FAM184B: variants seen among roughly 807,000 people sequenced by gnomAD.
The protein encoded by FAM184B is protein FAM184B.
FAM184B carries 111 observed loss-of-function variants against 135.9 expected under a neutral mutation model. That is an observed-to-expected ratio of 0.82 (90% CI 0.70 to 0.96). The LOEUF is 0.96. Ranked by LOEUF, FAM184B falls within the 40% of genes least tolerant of loss-of-function variation. The pLI is 0.00. For missense variants in FAM184B, 1,375 were observed against 1,323.9 expected (o/e 1.04, Z -0.60); for synonymous variants, 552 against 524.8 (o/e 1.05, Z -0.71).
chr4:17,748,103 G>A (rs1193595556), intron 1 of FAM184B, among the ~76,000 whole-genome samples: 194 of 70,232 alleles, frequency 2.8e-3, no homozygotes, highest in South Asian at 3.8e-3. Flanking sequence ...GACTCCGTCT[G>A]AAAAAAAAAA....
chr4:17,740,592 C>T (rs1372257615), intron 1 of FAM184B, among the ~76,000 whole-genome samples: 2 of 152,044 alleles, frequency 1.3e-5, no homozygotes, highest in African/African-American at 4.8e-5. Flanking sequence ...ATAATCTTGC[C>T]CTTGGAAGAG....
At chr4:17,665,836 C>A (rs910353196) in intron 7 of FAM184B, among the ~76,000 whole-genome samples, 2 of 152,188 alleles carry the variant, frequency 1.3e-5, no homozygotes, top group Non-Finnish European at 2.9e-5. Flanking sequence ...CCCAGCAGAA[C>A]TGGAAATATT....
At chr4:17,633,431 G>C (rs956644010) in intron 17 of FAM184B, 1 of 343,210 alleles carries the variant, frequency 2.9e-6, no homozygotes, top group Non-Finnish European at 5.2e-6. Context: ...ACCTGGAGAG[G>C]TCAAGTGACC....
At chr4:17,638,395 GT>G (rs1715212014) in intron 14 of FAM184B, among the ~76,000 whole-genome samples, 1 of 151,482 alleles carries the variant, frequency 6.6e-6, no homozygotes, top group South Asian at 2.1e-4. Flanking sequence ...GTTTCACAAT[GT>G]TGCCCAGGCT....
intron 6 of FAM184B, among the ~76,000 whole-genome samples, chr4:17,690,080 G>A (rs1432814644): frequency 6.6e-6 from 1 of 152,000 alleles, no homozygotes; most frequent in Admixed American, 6.6e-5. Flanking sequence ...CCTGAGAGGC[G>A]GAGGTTACAG....
chr4:17,748,505 A>AT (rs34998803), intron 1 of FAM184B, among the ~76,000 whole-genome samples: 16,959 of 97,926 alleles, frequency 0.17, 2,461 homozygotes, highest in East Asian at 0.39. Flanking sequence ...CTCTTGTGTA[A>AT]TTTTTTTTTT....
chr4:17,670,458 C>T (rs1045279008), intron 7 of FAM184B, among the ~76,000 whole-genome samples: 3 of 152,038 alleles, frequency 2.0e-5, no homozygotes, highest in Non-Finnish European at 4.4e-5. Context: ...AAAAGAATTC[C>T]AAATGTACTC....
chr4:17,716,478 G>C (rs1198531197), intron 1 of FAM184B, among the ~76,000 whole-genome samples: 1 of 151,936 alleles, frequency 6.6e-6, no homozygotes, highest in Non-Finnish European at 1.5e-5. Context: ...GAGTACCTGG[G>C]ATTACAGGTG....
At position 17,642,060 on chromosome 4, in the gene FAM184B, G is replaced by T; in HGVS notation, c.2515C>A (p.Arg839Ser). Residue 839 changes from arginine (R) to serine (S), a missense_variant, in exon 13 of 18, where the codon CGC (arginine) becomes AGC (serine). Coordinates refer to ENST00000265018, the MANE Select transcript of FAM184B (RefSeq NM_015688.2). ...GGGGCGCGCCGGGTCACCCACCTGC[G>T]CTGGTCTCGGAGCTTCTGCGCCTCC... ...QQEAQKLRDQ[R>S]RFLEETQQAQ... is the part of the protein sequence containing the mutation. 6.5e-7 allele frequency: 1 copy of T among 1,529,790 alleles called. No individual in the cohort carries two copies. The highest frequency in any genetic ancestry group is 8.7e-7 in the Non-Finnish European group (1 of 1,144,366). 94.8% of individuals were successfully genotyped at this position (1,529,790 alleles called of 1,614,324 possible). A position where few individuals can be genotyped will look rare whatever the true frequency, so the allele number is the denominator to read the frequency against.
At chr4:17,731,657 G>A (rs1010988595) in intron 1 of FAM184B, among the ~76,000 whole-genome samples, 5 of 152,172 alleles carry the variant, frequency 3.3e-5, no homozygotes, top group African/African-American at 7.2e-5. Context: ...ACCCAATACA[G>A]GAGCACTCAG....
intron 15 of FAM184B, 111 bp downstream of exon 15, chr4:17,636,417 G>A: frequency 1.2e-6 from 1 of 841,054 alleles, no homozygotes; most frequent in Non-Finnish European, 1.9e-6. Flanking sequence ...AGGATTCTTT[G>A]TAAGATATTA....
intron 5 of FAM184B, among the ~76,000 whole-genome samples, chr4:17,697,443 C>G (rs1368012879): frequency 6.6e-6 from 1 of 152,132 alleles, no homozygotes; most frequent in African/African-American, 2.4e-5. Context: ...TGTGTATAGT[C>G]TCTGTTCAGT....
intron 1 of FAM184B, among the ~76,000 whole-genome samples, chr4:17,777,939 A>G (rs946293183): frequency 6.6e-6 from 1 of 152,146 alleles, no homozygotes; most frequent in African/African-American, 2.4e-5. Context: ...CTCTACAAAA[A>G]ATTTTTTAAA....
At position 17,740,934 on chromosome 4, in the gene FAM184B, C is replaced by T. The variant is rs536441956; in HGVS notation, c.142-31290G>A. ...GTTGTAGCCAAGGGGAATGAATAGC[C>T]AACTCATTACTTTTCTTAAAAAAAA... On this transcript the variant is annotated intron_variant, in intron 1 of 17. Coordinates refer to ENST00000265018, the MANE Select transcript of FAM184B (RefSeq NM_015688.2). 2.0e-5 allele frequency among the ~76,000 whole-genome samples: 3 copies of T among 152,226 alleles called. No homozygotes were observed. In the East Asian group the frequency reaches 5.8e-4, roughly 29 times the overall value.
rs184566202 is a variant in FAM184B, at chr4:17,675,450, T to G, written c.1597-10791A>C. 1.1e-3 allele frequency among the ~76,000 whole-genome samples: 161 copies of G among 152,160 alleles called. 2 individuals are homozygous for G. In the South Asian group the frequency reaches 0.023, roughly 22 times the overall value. ...CTTATAAAGCACAAGTAGAGTAGACTTCACACAATTCTTAAGGCCTCTAGA... is the reference window on the plus strand; with the variant it reads ...CTTATAAAGCACAAGTAGAGTAGACGTCACACAATTCTTAAGGCCTCTAGA... On this transcript the variant is annotated intron_variant, in intron 7 of 17. Coordinates refer to ENST00000265018, the MANE Select transcript of FAM184B (RefSeq NM_015688.2).
chr4:17,648,668 G>A (rs1029499445), intron 11 of FAM184B, among the ~76,000 whole-genome samples: 8 of 151,962 alleles, frequency 5.3e-5, no homozygotes, highest in African/African-American at 1.9e-4. Flanking sequence ...ATCCTCTTAA[G>A]ACAAAATGTT....
At chr4:17,641,084 C>T (rs1441082626) in intron 13 of FAM184B, among the ~76,000 whole-genome samples, 1 of 152,194 alleles carries the variant, frequency 6.6e-6, no homozygotes, top group Non-Finnish European at 1.5e-5. Flanking sequence ...CAGGCATGCA[C>T]CACCACGCTT....
At chr4:17,634,877 C>A in intron 16 of FAM184B, 132 bp downstream of exon 16, 1 of 569,124 alleles carries the variant, frequency 1.8e-6, no homozygotes, top group Non-Finnish European at 3.0e-6. Flanking sequence ...TAGATATAAA[C>A]AAGTGGGTTT....
rs1220440993 is a variant in FAM184B at position 17,647,668 on chromosome 4, C to G, written c.2315G>C (p.Gly772Ala). ...GRQQASSQCP[G>A]DSKDHIIATE... ...GGCGATTATGTGATCCTTGCTGTCTCCTGGACACTGGCTGCTGGCTTGCTG... is the reference window on the plus strand; with the variant it reads ...GGCGATTATGTGATCCTTGCTGTCTGCTGGACACTGGCTGCTGGCTTGCTG... The change falls in exon 12 of 18, where the codon GGA (glycine) becomes GCA (alanine). Residue 772 changes from glycine to alanine, a missense_variant. Physicochemically the swap from Gly to Ala is moderately conservative, Grantham distance 60. Coordinates refer to ENST00000265018, the MANE Select transcript of FAM184B (RefSeq NM_015688.2). The G allele has an allele frequency of 1.4e-5, 22 of 1,550,794 alleles. No homozygotes were observed. Among genetic ancestry groups the G allele is most frequent in the Non-Finnish European group, 1.7e-5 (20 of 1,146,984 alleles).
Sources: allele counts gnomAD v4.1 joint callset (sites outside exome capture counted in the v4.1 genomes callset), GRCh38; gene constraint gnomAD v4.1.1; transcripts MANE v1.5; gene names NCBI Gene and HGNC (gene_info 2026-07-23, HGNC 2026-07-21).